Variants in SPIDR observed in about 807,000 individuals in gnomAD.
The protein encoded by SPIDR is scaffold protein involved in DNA repair.
Under a neutral mutation model 104.6 loss-of-function variants are expected in SPIDR, and 93 were observed. The observed-to-expected ratio is 0.89, with a 90% CI of 0.75 to 1.06. SPIDR has a LOEUF of 1.06. SPIDR is among the 50% of genes least tolerant of loss of function. The probability of loss-of-function intolerance (pLI) is 0.00; values close to 1 mark genes in which losing one functional copy is unlikely to be tolerated. For synonymous variants in SPIDR, 431 were observed against 416.9 expected, an observed-to-expected ratio of 1.03 and a Z score of -0.41; for missense variants, 1,154 against 1,111.2, an observed-to-expected ratio of 1.04 and a Z score of -0.55.
At chr8:47,568,098 A>G (rs1006634827) in intron 8 of SPIDR, among the ~76,000 whole-genome samples, 4 of 152,158 alleles carry the variant, frequency 2.6e-5, no homozygotes, top group African/African-American at 9.7e-5. Context: ...TTCAAAATGT[A>G]TAACATGCCT....
Position 47,299,048 on chromosome 8 carries a change from G to A in SPIDR, c.525+5018G>A, listed in dbSNP as rs1391378912. ...GAATCTATAAATTACCTTGGGCAGT[G>A]TGGCCATTTTCACGATATTGACTCT... On this transcript the variant is annotated intron_variant, in intron 5 of 19. Coordinates refer to ENST00000297423, the MANE Select transcript of SPIDR (RefSeq NM_001080394.4). Among the ~76,000 whole-genome samples the A allele has an allele frequency of 4.8e-3, 723 of 152,166 alleles. 5 individuals carry two copies. The highest frequency in any genetic ancestry group is 0.016 in the African/African-American group (681 of 41,520).
chr8:47,665,846 A>G (rs1189053048), intron 10 of SPIDR, among the ~76,000 whole-genome samples: 2 of 152,350 alleles, frequency 1.3e-5, no homozygotes, highest in South Asian at 4.1e-4. Flanking sequence ...CAGAGAAAAT[A>G]TTGCTAACAT....
At position 47,598,982 on chromosome 8, in the gene SPIDR, T is replaced by C; in HGVS notation, c.1330T>C (p.Trp444Arg). 6 of 1,613,930 alleles carry C rather than the reference T, an allele frequency of 3.7e-6. No homozygotes were observed. Among genetic ancestry groups the C allele is most frequent in the Non-Finnish European group, 4.2e-6 (5 of 1,179,896 alleles). The change falls in exon 10 of 20, where the codon TGG (tryptophan) becomes CGG (arginine). Residue 444 changes from tryptophan (W) to arginine (R), a missense_variant. Coordinates refer to ENST00000297423, the MANE Select transcript of SPIDR (RefSeq NM_001080394.4). ...CSGVATTGTA[W>R]THGHKEAKQR... ...TGGTGTAGCCACTACAGGGACAGCC[T>C]GGACCCATGGGCACAAAGAAGCAAA...
intron 19 of SPIDR, among the ~76,000 whole-genome samples, chr8:47,734,050 A>C (rs2085738908): frequency 6.6e-6 from 1 of 152,172 alleles, no homozygotes; most frequent in South Asian, 2.1e-4. Context: ...TTTACAAAAC[A>C]AACCATCTCA....
intron 3 of SPIDR, among the ~76,000 whole-genome samples, chr8:47,286,825 C>T (rs916495066): frequency 6.6e-6 from 1 of 152,138 alleles, no homozygotes; most frequent in African/African-American, 2.4e-5. Context: ...AGTGAGAGGT[C>T]ATTTTTTTCT....
intron 5 of SPIDR, among the ~76,000 whole-genome samples, chr8:47,327,540 A>G (rs561052470): frequency 7.9e-5 from 12 of 152,176 alleles, no homozygotes; most frequent in African/African-American, 2.6e-4. Context: ...AGCTGGGACT[A>G]CAGGCACGCA....
intron 10 of SPIDR, chr8:47,673,359 A>T: frequency 2.2e-6 from 1 of 455,514 alleles, no homozygotes; most frequent in Non-Finnish European, 4.4e-6. Flanking sequence ...TCGTAATGTT[A>T]TCCTGCAGCT....
In SPIDR at chr8:47,576,942, C is replaced by G. The variant is rs564314701; in HGVS notation, c.1098-18869C>G. 5.9e-5 allele frequency among the ~76,000 whole-genome samples: 9 copies of G among 152,284 alleles called. No individual in the cohort carries two copies. The East Asian group carries it at 1.5e-3, about 26-fold the overall frequency. On this transcript the variant is annotated intron_variant, in intron 8 of 19. Transcript: ENST00000297423. ...CATGTTCTGTATTTGACCTGCCATA[C>G]AACAGTACCACTCCAAATAGTTTTC... is the stretch of plus-strand genomic sequence containing the variant.
chr8:47,480,854 T>C (rs1411242610), intron 8 of SPIDR, among the ~76,000 whole-genome samples: 3 of 152,252 alleles, frequency 2.0e-5, no homozygotes, highest in Non-Finnish European at 4.4e-5. Context: ...ACATTGGGAA[T>C]GGGTTTGATT....
chr8:47,728,782 G>T (rs1027157744), intron 17 of SPIDR, 151 bp from the exon 18 acceptor site: 2 of 803,752 alleles, frequency 2.5e-6, no homozygotes, highest in African/African-American at 3.5e-5. Context: ...AGTCCAGGCA[G>T]CTGCAGGCCT....
At position 47,284,066 on chromosome 8, in the gene SPIDR, C is replaced by T. The variant is rs946067346; in HGVS notation, c.228C>T (p.His76=). 3.7e-6 allele frequency: 6 copies of T among 1,612,292 alleles called. No homozygotes were observed. The highest frequency in any genetic ancestry group is 1.3e-5 in the African/African-American group (1 of 74,938). The change falls in exon 3 of 20, where the codon CAC becomes CAT. Residue 76 remains histidine, a synonymous_variant. Coordinates refer to ENST00000297423, the MANE Select transcript of SPIDR (RefSeq NM_001080394.4). ...TAEEKTITEK[H]LELCPRPKQE... is the part of the protein sequence containing the mutation. ...AAGAGAAGACGATTACAGAAAAGCA[C>T]CTTGAATTATGCCCTAGACCCAAGC...
chr8:47,335,923 T>C (rs1351768805), intron 5 of SPIDR, among the ~76,000 whole-genome samples: 1 of 146,996 alleles, frequency 6.8e-6, no homozygotes, highest in Non-Finnish European at 1.5e-5. Flanking sequence ...AGTTTTTGCT[T>C]TTTTTTTTTT....
chr8:47,401,124 T>C (rs2061824993), intron 6 of SPIDR, among the ~76,000 whole-genome samples: 1 of 152,130 alleles, frequency 6.6e-6, no homozygotes. Flanking sequence ...CCCATCAGAC[T>C]AACAGAGAAT....
At chr8:47,418,566 C>G (rs1278973153) in intron 7 of SPIDR, among the ~76,000 whole-genome samples, 5 of 152,176 alleles carry the variant, frequency 3.3e-5, no homozygotes, top group African/African-American at 1.2e-4. Flanking sequence ...CATCTGCAAA[C>G]AGGGACAATT....
intron 8 of SPIDR, among the ~76,000 whole-genome samples, chr8:47,479,306 C>G (rs1554725559): frequency 6.6e-6 from 1 of 151,282 alleles, no homozygotes; most frequent in African/African-American, 2.4e-5. Flanking sequence ...CTGCAGTGAG[C>G]CGAGATTGCA....
chr8:47,356,764 C>G (rs1162082639), intron 5 of SPIDR, among the ~76,000 whole-genome samples: 3 of 152,040 alleles, frequency 2.0e-5, no homozygotes, highest in Non-Finnish European at 4.4e-5. Flanking sequence ...GCATCTGTTA[C>G]CTAAAGTAAG....
At chr8:47,639,036 G>C (rs1208660978) in intron 10 of SPIDR, among the ~76,000 whole-genome samples, 3 of 152,190 alleles carry the variant, frequency 2.0e-5, no homozygotes, top group African/African-American at 7.2e-5. Context: ...TTAAAATATT[G>C]TTTGGCTAGA....
At chr8:47,381,901 T>C (rs528574295) in intron 5 of SPIDR, among the ~76,000 whole-genome samples, 2 of 152,230 alleles carry the variant, frequency 1.3e-5, no homozygotes, top group Non-Finnish European at 2.9e-5. Context: ...AATAATGATA[T>C]TAGTTTAGTT....
At chr8:47,645,517 C>T (rs958099822) in intron 10 of SPIDR, among the ~76,000 whole-genome samples, 14 of 151,930 alleles carry the variant, frequency 9.2e-5, no homozygotes, top group African/African-American at 2.4e-5. Context: ...GAGGTAAGCA[C>T]GTGAAGGCCA....
Sources: allele counts gnomAD v4.1 joint callset (sites outside exome capture counted in the v4.1 genomes callset), GRCh38; gene constraint gnomAD v4.1.1; transcripts MANE v1.5; gene names NCBI Gene and HGNC (gene_info 2026-07-23, HGNC 2026-07-21).